KIF1B: variants seen among roughly 807,000 people sequenced by gnomAD.
KIF1B encodes kinesin-like protein KIF1B.
A neutral mutation model predicts 241.9 loss-of-function variants in KIF1B; 76 were observed. The observed-to-expected ratio is 0.31, with a 90% CI of 0.26 to 0.38. The LOEUF is 0.38. Among genes scored for constraint, KIF1B ranks in the 10% least tolerant of loss-of-function variants. The pLI, the probability that KIF1B is intolerant of heterozygous loss-of-function variation, is 1.00. For synonymous variants in KIF1B, 750 were observed against 796.7 expected (o/e 0.94, Z 0.99); for missense variants, 1,622 against 2,271.4 (o/e 0.71, Z 5.81).
intron 47 of KIF1B, 81 bp from the exon 48 acceptor site, chr1:10,375,174 A>T: frequency 2.7e-6 from 4 of 1,461,260 alleles, no homozygotes; most frequent in Non-Finnish European, 3.8e-6. Flanking sequence ...GTGAAGTGCT[A>T]TATGCCTTGG....
intron 5 of KIF1B, among the ~76,000 whole-genome samples, chr1:10,266,506 C>G (rs758726605): frequency 3.3e-5 from 5 of 152,216 alleles, no homozygotes; most frequent in Admixed American, 6.5e-5. Context: ...GGTCCTGCCA[C>G]CACCAGCTTT....
intron 1 of KIF1B, among the ~76,000 whole-genome samples, chr1:10,220,382 AGATAGATAGATAGAT>A (rs894760688): frequency 3.7e-5 from 5 of 134,314 alleles, no homozygotes; most frequent in African/African-American, 1.1e-4. Context: ...ATAGATAGAT[AGATAGATAGATAGAT>A]GATAGATAGA....
intron 4 of KIF1B, among the ~76,000 whole-genome samples, chr1:10,260,967 A>T (rs1557671893): frequency 6.8e-6 from 1 of 148,030 alleles, no homozygotes; most frequent in East Asian, 2.0e-4. Context: ...GTATTTTTTA[A>T]TTTTTTTTTT....
intron 37 of KIF1B, among the ~76,000 whole-genome samples, chr1:10,349,215 G>T (rs1652699112): frequency 6.6e-6 from 1 of 152,056 alleles, no homozygotes; most frequent in African/African-American, 2.4e-5. Context: ...GAGATGGGTG[G>T]ATTACTTGAG....
At position 10,272,326 on chromosome 1, in the gene KIF1B, A is replaced by G; in HGVS notation, c.864+20A>G. On this transcript the variant is annotated intron_variant, in intron 9 of 48. Coordinates refer to ENST00000676179, the MANE Select transcript of KIF1B (RefSeq NM_001365951.3). ...GAGGTGGTAAGTTTTATACTTCATT[A>G]TAAGGGGAGTTGTGTCTGTTCAGCA... The G allele has an allele frequency of 1.3e-6, 2 of 1,492,772 alleles. No individual in the cohort carries two copies. The highest frequency in any genetic ancestry group is 1.9e-6 in the Non-Finnish European group (2 of 1,069,680). 92.5% of individuals were successfully genotyped at this position (1,492,772 alleles called of 1,614,324 possible).
Position 10,292,166 on chromosome 1 carries a change from T to C in KIF1B, c.1590+44T>C, listed in dbSNP as rs1381862722. On this transcript the variant is annotated intron_variant, in intron 17 of 48. Coordinates refer to ENST00000676179, the MANE Select transcript of KIF1B (RefSeq NM_001365951.3). ...AAACCTAATCAGACAGAGACACTTT[T>C]TGTTTGTCTTTGTTACTGGGGCACT... The C allele has an allele frequency of 1.0e-5, 15 of 1,459,894 alleles. 1 individual carries two copies. The highest frequency in any genetic ancestry group is 3.4e-5 in the South Asian group (3 of 87,998). 90.4% of individuals were successfully genotyped at this position (1,459,894 alleles called of 1,614,324 possible).
At chr1:10,301,628 C>T (rs1310268604) in intron 22 of KIF1B, among the ~76,000 whole-genome samples, 1 of 151,900 alleles carries the variant, frequency 6.6e-6, no homozygotes, top group Non-Finnish European at 1.5e-5. Context: ...ATCGGGCACT[C>T]CAGCCTGGGC....
chr1:10,347,815 T>C lies in KIF1B; in HGVS notation c.3852T>C (p.Phe1284=), dbSNP rs935559995. Residue 1284 remains phenylalanine, a synonymous_variant, in exon 36 of 49, where the codon TTT becomes TTC. Transcript: ENST00000676179. ...HTAGLPCQGT[F]LLHQGIQRRI... ...CAGGCTTGCCTTGCCAGGGGACATTTTTGCTTCATCAGGTACTAATGAGGG... is the reference window on the plus strand; with the variant it reads ...CAGGCTTGCCTTGCCAGGGGACATTCTTGCTTCATCAGGTACTAATGAGGG... 1 of 1,613,154 alleles carries C rather than the reference T, an allele frequency of 6.2e-7. No individual in the cohort carries two copies. The highest frequency in any genetic ancestry group is 8.5e-7 in the Non-Finnish European group (1 of 1,179,206).
intron 32 of KIF1B, 133 bp from the exon 33 acceptor site, chr1:10,341,917 C>A: frequency 1.4e-6 from 1 of 707,058 alleles, no homozygotes; most frequent in Non-Finnish European, 2.5e-6. Context: ...GCCGCATGAG[C>A]CTTGTTTGCG....
chr1:10,375,772 TTTTTTCTTTTCTTG>T (rs1295598541), intron 48 of KIF1B, among the ~76,000 whole-genome samples: 6 of 147,062 alleles, frequency 4.1e-5, no homozygotes, highest in African/African-American at 1.6e-4. Context: ...TTTTCTTTTC[TTTTTTCTTTTCTTG>T]TTTTTTTTTT....
intron 28 of KIF1B, among the ~76,000 whole-genome samples, chr1:10,335,699 G>A (rs986621063): frequency 2.6e-5 from 4 of 151,516 alleles, no homozygotes; most frequent in African/African-American, 4.8e-5. Flanking sequence ...TGTAATGCAC[G>A]GGTCAAGCTG....
intron 4 of KIF1B, among the ~76,000 whole-genome samples, chr1:10,261,270 ATTT>A (rs141281398): frequency 2.9e-5 from 4 of 136,962 alleles, no homozygotes; most frequent in African/African-American, 2.7e-5. Flanking sequence ...ACCTGGCCAA[ATTT>A]TTTTTTTTTT....
At chr1:10,223,530 TTTTTTG>T (rs2102107645) in intron 1 of KIF1B, among the ~76,000 whole-genome samples, 1 of 140,642 alleles carries the variant, frequency 7.1e-6, no homozygotes, top group African/African-American at 2.6e-5. Context: ...GGTGGTTTTT[TTTTTTG>T]TTTTGTTTTG....
At chr1:10,338,813 A>G (rs1166876416) in intron 31 of KIF1B, among the ~76,000 whole-genome samples, 1 of 152,124 alleles carries the variant, frequency 6.6e-6, no homozygotes, top group African/African-American at 2.4e-5. Flanking sequence ...TCGTCAGGGA[A>G]CCCCAGGAAT....
At chr1:10,233,161 C>T (rs1285738602) in intron 2 of KIF1B, among the ~76,000 whole-genome samples, 1 of 152,182 alleles carries the variant, frequency 6.6e-6, no homozygotes, top group Non-Finnish European at 1.5e-5. Flanking sequence ...TGCCAATGTT[C>T]TGTGTAGAGG....
At chr1:10,350,003 T>C (rs149206793) in intron 37 of KIF1B, among the ~76,000 whole-genome samples, 8 of 152,296 alleles carry the variant, frequency 5.3e-5, no homozygotes, top group East Asian at 3.9e-4. Flanking sequence ...GAAAAAGATA[T>C]CTTGTGTCCA....
intron 1 of KIF1B, among the ~76,000 whole-genome samples, chr1:10,231,479 T>C (rs1646983052): frequency 7.0e-6 from 1 of 142,986 alleles, no homozygotes; most frequent in African/African-American, 2.6e-5. Context: ...CTCCACCTCC[T>C]GGGTTCAAGC....
chr1:10,216,784 G>C (rs1376761408), intron 1 of KIF1B, among the ~76,000 whole-genome samples: 3 of 151,882 alleles, frequency 2.0e-5, no homozygotes, highest in Admixed American at 6.6e-5. Context: ...TGAACTCCCT[G>C]AGCTTTCCCT....
intron 48 of KIF1B, among the ~76,000 whole-genome samples, chr1:10,375,883 A>C (rs957031337): frequency 2.5e-5 from 3 of 119,840 alleles, no homozygotes; most frequent in African/African-American, 3.3e-5. Flanking sequence ...CGCAACCTCC[A>C]CCTCCCAGGT....
Sources: gnomAD v4.1 joint callset for allele counts (sites outside exome capture counted in the v4.1 genomes callset) on GRCh38, gnomAD v4.1.1 for gene constraint, MANE v1.5 for transcripts, NCBI Gene and HGNC (gene_info 2026-07-23, HGNC 2026-07-21) for gene names.